Variants in DYRK4 observed in about 807,000 individuals in gnomAD.
DYRK4 encodes dual specificity tyrosine phosphorylation regulated kinase 4.
DYRK4 carries 64 observed loss-of-function variants against 68.3 expected under a neutral mutation model. The ratio of observed to expected loss-of-function variants is 0.94; its 90% CI spans 0.77 to 1.15. The LOEUF (loss-of-function observed/expected upper bound fraction) is 1.15. Ranked by LOEUF, DYRK4 falls within the 50% of genes most tolerant of loss-of-function variation. The pLI is 0.00. For missense variants in DYRK4, 740 were observed against 764.7 expected, an observed-to-expected ratio of 0.97 and a Z score of 0.38; for synonymous variants, 274 against 289.9, an observed-to-expected ratio of 0.95 and a Z score of 0.56.
intron 2 of DYRK4, among the ~76,000 whole-genome samples, chr12:4,576,895 C>T (rs1239299968): frequency 6.6e-6 from 1 of 152,176 alleles, no homozygotes; most frequent in Non-Finnish European, 1.5e-5. Flanking sequence ...ACTTTGTATA[C>T]TTAGACACAA....
chr12:4,585,642 C>A (rs567562772), intron 2 of DYRK4, among the ~76,000 whole-genome samples: 3 of 149,866 alleles, frequency 2.0e-5, no homozygotes, highest in Non-Finnish European at 4.4e-5. Context: ...GTGGGGGGAG[C>A]GGGGAGGGAT....
chr12:4,581,469 C>A (rs772312324), intron 2 of DYRK4, among the ~76,000 whole-genome samples: 6 of 152,246 alleles, frequency 3.9e-5, no homozygotes, highest in Admixed American at 6.5e-5. Flanking sequence ...ATTGCAGCTG[C>A]CTTTGAGAGG....
chr12:4,564,554 T>A (rs976852826), intron 1 of DYRK4: 2 of 152,182 alleles, frequency 1.3e-5, no homozygotes, highest in Non-Finnish European at 2.9e-5. Flanking sequence ...TATACACAGA[T>A]GATGTGTATA....
At chr12:4,597,906 C>T (rs184434984) in intron 8 of DYRK4, among the ~76,000 whole-genome samples, 1 of 151,956 alleles carries the variant, frequency 6.6e-6, no homozygotes, top group Non-Finnish European at 1.5e-5. Context: ...AAAACCCCAT[C>T]TCTACTAAAA....
At chr12:4,570,040 A>AAATAATAATAAT (rs58464815) in intron 2 of DYRK4, among the ~76,000 whole-genome samples, 4 of 141,234 alleles carry the variant, frequency 2.8e-5, no homozygotes, top group East Asian at 2.1e-4. Flanking sequence ...CTGTCGCTAT[A>AAATAATAATAAT]AATAATAATA....
chr12:4,580,975 C>T, intron 2 of DYRK4: 1 of 418,874 alleles, frequency 2.4e-6, no homozygotes, highest in South Asian at 1.7e-5. Flanking sequence ...CTGAACAGTC[C>T]AGGTGAGGAC....
chr12:4,609,644 C>A (rs1419735439), intron 12 of DYRK4, among the ~76,000 whole-genome samples: 2 of 152,180 alleles, frequency 1.3e-5, no homozygotes, highest in Non-Finnish European at 2.9e-5. Flanking sequence ...AAAACAATTA[C>A]ATGATCATGA....
At chr12:4,600,032 G>C (rs1400803417) in intron 10 of DYRK4, among the ~76,000 whole-genome samples, 1 of 152,204 alleles carries the variant, frequency 6.6e-6, no homozygotes, top group African/African-American at 2.4e-5. Flanking sequence ...TCCTAGAACA[G>C]TGAGCCCCAA....
intron 10 of DYRK4, 72 bp downstream of exon 10, chr12:4,599,860 C>T: frequency 7.5e-7 from 1 of 1,336,390 alleles, no homozygotes. Context: ...ACAAGGTCAC[C>T]TGCCTTCTAG....
At position 4,593,063 on chromosome 12, in the gene DYRK4, C is replaced by T. The variant is rs749041571; in HGVS notation, c.525C>T (p.Tyr175=). 39 of 1,614,058 alleles carry T rather than the reference C, an allele frequency of 2.4e-5. 1 individual carries two copies. The East Asian group carries it at 3.3e-4, about 14-fold the overall frequency. The change falls in exon 6 of 15, where the codon TAC becomes TAT. Residue 175 remains tyrosine (Y), a synonymous_variant. Coordinates refer to ENST00000543431, the MANE Select transcript of DYRK4 (RefSeq NM_001394779.1). ...ATGAACAAAGTGAAATCCTGGGCTA[C>T]GCGGAGCTGTGGTTCCTGGGTCTTG... The part of the protein sequence containing the change: ...SPYEQSEILG[Y]AELWFLGLEA...
chr12:4,591,248 A>C lies in DYRK4; in HGVS notation c.413A>C (p.Lys138Thr), dbSNP rs1591797443. 4 of 1,614,174 alleles carry C rather than the reference A, an allele frequency of 2.5e-6. No individual in the cohort carries two copies. The highest frequency in any genetic ancestry group is 2.5e-6 in the Non-Finnish European group (3 of 1,180,024). The part of the protein sequence containing the change: ...FHPSIKTQDP[K>T]AEEKSPKKQK... ...CCTAGCATTAAAACCCAGGATCCCA[A>C]GGCAGAGGAGAAGTCACCAAAGAAG... The change falls in exon 5 of 15, where the codon AAG (lysine) becomes ACG (threonine). Residue 138 changes from lysine (K) to threonine (T), a missense_variant. This residue lies in a region of DYRK4 where 614 missense variants were observed against 603.7 expected (regional missense o/e 1.02). Transcript: ENST00000543431. This position sits in a 1 kb window ranked among gnomAD's most constrained non-coding sequence, Gnocchi z 4.1.
chr12:4,602,909 G>T, intron 10 of DYRK4: 1 of 925,594 alleles, frequency 1.1e-6, no homozygotes, highest in Non-Finnish European at 1.7e-6. Flanking sequence ...ACTTTTGTAA[G>T]TATTAGTGTC....
chr12:4,608,572 C>A lies in DYRK4; in HGVS notation c.1360+1185C>A, dbSNP rs140978472. ...TGTACCATTTGGTAAAAAGCCACAG[C>A]CCTGAGCCCTGCTACAACTGCAGGC... On this transcript the variant is annotated intron_variant, in intron 12 of 14. Transcript: ENST00000543431. Among the ~76,000 whole-genome samples, 139 of 152,130 alleles carry A rather than the reference C, an allele frequency of 9.1e-4. 1 individual carries two copies. In the East Asian group the frequency reaches 0.025, roughly 27 times the overall value.
intron 2 of DYRK4, among the ~76,000 whole-genome samples, chr12:4,582,567 G>C (rs1448856035): frequency 6.6e-6 from 1 of 152,228 alleles, no homozygotes; most frequent in African/African-American, 2.4e-5. Flanking sequence ...ATAGAGTACA[G>C]AGCACAGGGT....
intron 1 of DYRK4, among the ~76,000 whole-genome samples, chr12:4,566,106 G>C (rs1165838357): frequency 6.6e-6 from 1 of 152,190 alleles, no homozygotes. Context: ...TCTTTCCCAA[G>C]TTCATACTTC....
chr12:4,573,353 C>T lies in DYRK4; in HGVS notation c.132+5305C>T, dbSNP rs1181754714. ...AGGGCCCCACTCTTTCTGAGATCTA[C>T]ATGGTAAGTACCAGTTCCTTTGTTC... On this transcript the variant is annotated intron_variant, in intron 2 of 14. Transcript: ENST00000543431. 3.9e-6 allele frequency: 5 copies of T among 1,289,480 alleles called. No individual in the cohort carries two copies. In the African/African-American group the frequency reaches 7.6e-5, roughly 20 times the overall value. The allele number at this position is 1,289,480 out of a possible 1,614,324, so 79.9% of individuals were successfully genotyped here.
chr12:4,599,118 C>T lies in DYRK4; in HGVS notation c.996C>T (p.Cys332=). 1 of 1,614,098 alleles carries T rather than the reference C, an allele frequency of 6.2e-7. No homozygotes were observed. The highest frequency in any genetic ancestry group is 1.1e-5 in the South Asian group (1 of 91,078). The change falls in exon 9 of 15, where the codon TGC becomes TGT. Residue 332 remains cysteine, a synonymous_variant. Transcript: ENST00000543431. ...GCTTCACTCTCTCTGTTTTGAAGTG[C>T]TTGCAGATGCTTTCGGTAGAGAAAA... ...VRRFTLSVLK[C]LQMLSVEKII...
rs1475663633 is a variant in DYRK4 at position 4,602,128 on chromosome 12, C to T, written c.1126+2340C>T. Reference sequence around the variant, plus strand: ...CTTTCATAGGCTGATATCCAGACTCCCTTTTGTAATTAAGTTCAGCTTTCA... The same window carrying T: ...CTTTCATAGGCTGATATCCAGACTCTCTTTTGTAATTAAGTTCAGCTTTCA... On this transcript the variant is annotated intron_variant, in intron 10 of 14. Transcript: ENST00000543431. 6.8e-6 allele frequency: 4 copies of T among 585,702 alleles called. No individual in the cohort carries two copies. In the East Asian group the frequency reaches 1.4e-4, roughly 20 times the overall value. 36.3% of individuals were successfully genotyped at this position (585,702 alleles called of 1,614,324 possible).
At chr12:4,595,144 C>T (rs2137373071) in intron 6 of DYRK4, among the ~76,000 whole-genome samples, 2 of 152,006 alleles carry the variant, frequency 1.3e-5, no homozygotes, top group Middle Eastern at 3.4e-3. Flanking sequence ...TTTTCCCATA[C>T]ATTCTCATGA....
Sources: gnomAD v4.1 joint callset for allele counts (sites outside exome capture counted in the v4.1 genomes callset) on GRCh38, gnomAD v4.1.1 for gene constraint, gnomAD v4.1.1 regional missense constraint, Gnocchi (gnomAD v3.1) non-coding constraint, MANE v1.5 for transcripts, NCBI Gene and HGNC (gene_info 2026-07-23, HGNC 2026-07-21) for gene names.